The following CALCRL variants were observed in gnomAD, a reference collection of about 807,000 sequenced individuals.
The protein encoded by CALCRL is calcitonin receptor like receptor, also known as calcitonin gene-related peptide type 1 receptor.
CALCRL carries 27 observed loss-of-function variants against 60.4 expected under a neutral mutation model. That is an observed-to-expected ratio of 0.45 (90% CI 0.33 to 0.62). CALCRL has a LOEUF of 0.62. Among genes scored for constraint, CALCRL ranks in the 20% least tolerant of loss-of-function variants. The pLI, the probability that CALCRL is intolerant of heterozygous loss-of-function variation, is 0.03. For synonymous variants in CALCRL, 190 were observed against 182.6 expected (o/e 1.04, Z -0.33); for missense variants, 424 against 540.7 (o/e 0.78, Z 2.14).
intron 4 of CALCRL, 105 bp from the exon 5 acceptor site, chr2:187,383,410 T>A: frequency 1.2e-6 from 1 of 868,398 alleles, no homozygotes; most frequent in Non-Finnish European, 1.7e-6. Flanking sequence ...TGCGGTGATG[T>A]ACTGGAAGAT....
At chr2:187,433,204 T>C (rs979435245) in intron 1 of CALCRL, among the ~76,000 whole-genome samples, 2 of 152,088 alleles carry the variant, frequency 1.3e-5, no homozygotes, top group Non-Finnish European at 2.9e-5. Flanking sequence ...ATTTTGAGTA[T>C]TTTCCCAACT....
At chr2:187,443,235 C>T (rs1355520) in intron 1 of CALCRL, among the ~76,000 whole-genome samples, 50,037 of 151,438 alleles carry the variant, frequency 0.33, 8,626 homozygotes, top group African/African-American at 0.42. Flanking sequence ...TCTGTTTATC[C>T]GTATGGGTGT....
intron 12 of CALCRL, among the ~76,000 whole-genome samples, chr2:187,356,743 A>C (rs1686806622): frequency 6.6e-6 from 1 of 152,202 alleles, no homozygotes; most frequent in Admixed American, 6.5e-5. Context: ...AATTTTTTGC[A>C]ATCTACCCAT....
At chr2:187,350,413 A>AT (rs1018721297) in intron 14 of CALCRL, among the ~76,000 whole-genome samples, 7 of 150,198 alleles carry the variant, frequency 4.7e-5, no homozygotes, top group Non-Finnish European at 1.0e-4. Flanking sequence ...TGATTTATCT[A>AT]TTTTTTGTAA....
chr2:187,394,683 G>A (rs981711838), intron 1 of CALCRL, among the ~76,000 whole-genome samples: 9 of 151,782 alleles, frequency 5.9e-5, no homozygotes, highest in African/African-American at 1.9e-4. Flanking sequence ...ACTATTTTCT[G>A]CTTGGTTTAC....
chr2:187,345,316 T>C lies in CALCRL; in HGVS notation c.*868A>G, dbSNP rs1373996409. On this transcript the variant is annotated 3_prime_UTR_variant, in exon 15 of 15. Transcript: ENST00000392370. ...TTCCAAGAAAATAAGAAATCCTTCATTGATTTTCTTTATATAAAATGATTG... is the reference window on the plus strand; with the variant it reads ...TTCCAAGAAAATAAGAAATCCTTCACTGATTTTCTTTATATAAAATGATTG... The C allele has an allele frequency of 2.6e-5, 4 of 152,272 alleles. No homozygotes were observed. Among genetic ancestry groups the C allele is most frequent in the Non-Finnish European group, 5.9e-5 (4 of 67,854 alleles). 9.4% of individuals were successfully genotyped at this position (152,272 alleles called of 1,614,324 possible). A position where few individuals can be genotyped will look rare whatever the true frequency, so the allele number is the denominator to read the frequency against.
chr2:187,389,064 T>A (rs1465967495), intron 1 of CALCRL, among the ~76,000 whole-genome samples: 1 of 92,276 alleles, frequency 1.1e-5, no homozygotes, highest in Non-Finnish European at 2.3e-5. Flanking sequence ...CTATTACTTC[T>A]TCTTCTTTTT....
intron 11 of CALCRL, 33 bp from the exon 12 acceptor site, chr2:187,359,162 T>A (rs3815523): frequency 1.2e-6 from 2 of 1,603,992 alleles, no homozygotes; most frequent in South Asian, 2.2e-5. Flanking sequence ...ATGTTGAAAA[T>A]TTTTATTTTA....
intron 10 of CALCRL, among the ~76,000 whole-genome samples, chr2:187,359,765 G>A (rs1319277549): frequency 1.3e-5 from 2 of 152,034 alleles, no homozygotes. Context: ...AAATTTGGCA[G>A]CCTTTGAACA....
In CALCRL at chr2:187,363,455, GAGA is replaced by G. The variant is rs1302671292; in HGVS notation, c.545_547del (p.Phe182del). The G allele has an allele frequency of 3.7e-6, 6 of 1,609,240 alleles. No individual in the cohort carries two copies. The highest frequency in any genetic ancestry group is 4.2e-6 in the Non-Finnish European group (5 of 1,177,586). ...TGTTACAACAGAGTTACAAACAAAT[GAGA>G]AGAACAGATTTTTGTGTAAGGTAAT... On this transcript the variant is annotated inframe_deletion, in exon 9 of 15. Coordinates refer to ENST00000392370, the MANE Select transcript of CALCRL (RefSeq NM_005795.6).
At chr2:187,384,707 G>T (rs952402296) in intron 4 of CALCRL, among the ~76,000 whole-genome samples, 1 of 151,914 alleles carries the variant, frequency 6.6e-6, no homozygotes, top group African/African-American at 2.4e-5. Context: ...TAGGTTTTCT[G>T]TATTCTCCCA....
intron 1 of CALCRL, among the ~76,000 whole-genome samples, chr2:187,416,330 T>G (rs1366358772): frequency 2.6e-5 from 4 of 152,104 alleles, no homozygotes; most frequent in Non-Finnish European, 4.4e-5. Flanking sequence ...TATCTAAAAT[T>G]TTTCATCTTG....
chr2:187,437,825 C>T (rs1307848146), intron 1 of CALCRL, among the ~76,000 whole-genome samples: 2 of 152,132 alleles, frequency 1.3e-5, no homozygotes, highest in Non-Finnish European at 2.9e-5. Context: ...AATAGTTCAT[C>T]TAAGACAGAG....
intron 8 of CALCRL, among the ~76,000 whole-genome samples, chr2:187,375,921 T>C (rs1325223281): frequency 1.3e-5 from 2 of 152,190 alleles, no homozygotes; most frequent in African/African-American, 4.8e-5. Context: ...TATAAAAATA[T>C]TGAACATGAT....
At chr2:187,431,718 G>A (rs901267387) in intron 1 of CALCRL, among the ~76,000 whole-genome samples, 4 of 151,710 alleles carry the variant, frequency 2.6e-5, no homozygotes, top group Non-Finnish European at 4.4e-5. Context: ...TACAGGCTGG[G>A]GATATGGTAG....
intron 5 of CALCRL, among the ~76,000 whole-genome samples, chr2:187,381,135 A>G (rs550922311): frequency 1.3e-5 from 2 of 152,076 alleles, no homozygotes; most frequent in South Asian, 2.1e-4. Flanking sequence ...TAAGAAAACA[A>G]TGGGAAATTA....
At chr2:187,426,858 T>C (rs1273176492) in intron 1 of CALCRL, among the ~76,000 whole-genome samples, 1 of 152,142 alleles carries the variant, frequency 6.6e-6, no homozygotes, top group Non-Finnish European at 1.5e-5. Flanking sequence ...CAAAATGCAT[T>C]ATTATAGACT....
intron 1 of CALCRL, among the ~76,000 whole-genome samples, chr2:187,399,432 C>T (rs571813599): frequency 1.1e-4 from 16 of 151,414 alleles, no homozygotes; most frequent in African/African-American, 3.6e-4. Context: ...TGTTTGTCAC[C>T]TCGGGTTAGG....
In CALCRL at chr2:187,427,663, G is replaced by A. The variant is rs58140250; in HGVS notation, c.-293+20376C>T. On this transcript the variant is annotated intron_variant, in intron 1 of 14. Transcript: ENST00000392370. The stretch of plus-strand genomic sequence containing the variant: ...ATAAAAGAAATTAAAAATCCACTTA[G>A]AGTAGAGCAGACTCTTGGTCATAAA... 9.9e-3 allele frequency among the ~76,000 whole-genome samples: 1,512 copies of A among 152,152 alleles called. 23 individuals carry two copies. Among genetic ancestry groups the A allele is most frequent in the African/African-American group, 0.035 (1,442 of 41,528 alleles).
Sources: gnomAD v4.1 joint callset for allele counts (sites outside exome capture counted in the v4.1 genomes callset) on GRCh38, gnomAD v4.1.1 for gene constraint, MANE v1.5 for transcripts, NCBI Gene and HGNC (gene_info 2026-07-23, HGNC 2026-07-21) for gene names.